ZSWIM6: variants seen among roughly 807,000 people sequenced by gnomAD.
ZSWIM6 encodes the protein zinc finger SWIM domain-containing protein 6.
ZSWIM6 carries 9 observed loss-of-function variants against 113.2 expected under a neutral mutation model. The ratio of observed to expected loss-of-function variants is 0.08; its 90% confidence interval spans 0.05 to 0.14. ZSWIM6 has a LOEUF of 0.14. ZSWIM6 is among the 10% of genes least tolerant of loss of function. ZSWIM6 has a pLI of 1.00. For synonymous variants in ZSWIM6, 611 were observed against 606.5 expected (o/e 1.01, Z -0.11); for missense variants, 1,162 against 1,552.2 (o/e 0.75, Z 4.22).
intron 1 of ZSWIM6, among the ~76,000 whole-genome samples, chr5:61,408,392 T>C (rs916515566): frequency 2.6e-5 from 4 of 152,218 alleles, no homozygotes; most frequent in Non-Finnish European, 4.4e-5. Context: ...AGATAAATTA[T>C]GAAGGAGGGG....
At chr5:61,397,523 T>A (rs1745862038) in intron 1 of ZSWIM6, among the ~76,000 whole-genome samples, 1 of 152,084 alleles carries the variant, frequency 6.6e-6, no homozygotes, top group Admixed American at 6.6e-5. Context: ...GCACAGCCCA[T>A]CAGTGACAGC....
At chr5:61,540,741 G>A (rs1464439234) in intron 12 of ZSWIM6, among the ~76,000 whole-genome samples, 1 of 151,804 alleles carries the variant, frequency 6.6e-6, no homozygotes, top group Non-Finnish European at 1.5e-5. Flanking sequence ...ATTAACATGA[G>A]CTCTCTTGTT....
At chr5:61,379,153 C>T (rs537489522) in intron 1 of ZSWIM6, among the ~76,000 whole-genome samples, 5 of 130,692 alleles carry the variant, frequency 3.8e-5, no homozygotes, top group African/African-American at 1.5e-4. Context: ...CTCTCTACTC[C>T]AGCCTGGGCA....
Position 61,535,488 on chromosome 5 carries a change from A to T in ZSWIM6, c.2250A>T (p.Gly750=). 6.4e-7 allele frequency: 1 copy of T among 1,551,280 alleles called. No homozygotes were observed. Among genetic ancestry groups the T allele is most frequent in the Non-Finnish European group, 8.7e-7 (1 of 1,146,670 alleles). The change falls in exon 10 of 14, where the codon GGA becomes GGT. Residue 750 remains glycine (G), a synonymous_variant. Coordinates refer to ENST00000252744, the MANE Select transcript of ZSWIM6 (RefSeq NM_020928.2). The part of the protein sequence containing the change: ...RKQAVFLLEA[G]PYSGLGEIIH... ...GTGTATGCTCTCTTCCCACAGCCGGACCATATAGTGGTTTAGGTGAAATAA... is the reference window on the plus strand; with the variant it reads ...GTGTATGCTCTCTTCCCACAGCCGGTCCATATAGTGGTTTAGGTGAAATAA...
intron 2 of ZSWIM6, among the ~76,000 whole-genome samples, chr5:61,481,885 A>G (rs1039025235): frequency 2.0e-5 from 3 of 152,212 alleles, no homozygotes; most frequent in Non-Finnish European, 2.9e-5. Flanking sequence ...AACTTCAGTA[A>G]TAAAATGCCC....
chr5:61,531,055 T>C (rs1027570217), intron 8 of ZSWIM6, among the ~76,000 whole-genome samples: 1 of 152,222 alleles, frequency 6.6e-6, no homozygotes, highest in African/African-American at 2.4e-5. Context: ...GTTATATATG[T>C]TATGTTCCCT....
chr5:61,363,858 T>TTCCTTCCTTCCTTCCC (rs552840090), intron 1 of ZSWIM6, among the ~76,000 whole-genome samples: 2 of 146,466 alleles, frequency 1.4e-5, no homozygotes, highest in African/African-American at 5.0e-5. Context: ...TTCCTTTTCC[T>TTCCTTCCTTCCTTCCC]TCCTTCCTTC....
intron 1 of ZSWIM6, among the ~76,000 whole-genome samples, chr5:61,354,039 C>T (rs1292346424): frequency 2.6e-5 from 4 of 152,174 alleles, no homozygotes; most frequent in South Asian, 2.1e-4. Context: ...GTGCTTTCCC[C>T]GCTTTGTTTT....
intron 1 of ZSWIM6, among the ~76,000 whole-genome samples, chr5:61,448,322 C>G (rs1211709556): frequency 6.6e-6 from 1 of 152,074 alleles, no homozygotes; most frequent in Non-Finnish European, 1.5e-5. Context: ...GTACATGACT[C>G]TTGTCACTTT....
chr5:61,496,132 A>G (rs958561582), intron 4 of ZSWIM6, among the ~76,000 whole-genome samples: 2 of 152,146 alleles, frequency 1.3e-5, no homozygotes, highest in African/African-American at 4.8e-5. Context: ...GGAAGTTTCC[A>G]CCAGCTGATT....
intron 1 of ZSWIM6, among the ~76,000 whole-genome samples, chr5:61,360,707 T>C (rs1745016523): frequency 6.6e-6 from 1 of 152,230 alleles, no homozygotes; most frequent in African/African-American, 2.4e-5. Context: ...TACCCTCACC[T>C]TTGGAATATC....
At chr5:61,468,314 T>C (rs1414561291) in intron 1 of ZSWIM6, among the ~76,000 whole-genome samples, 2 of 152,258 alleles carry the variant, frequency 1.3e-5, no homozygotes, top group Non-Finnish European at 2.9e-5. Flanking sequence ...AACATTTTAT[T>C]GGGTTCTGTG....
intron 1 of ZSWIM6, among the ~76,000 whole-genome samples, chr5:61,359,411 C>G (rs941628249): frequency 9.9e-5 from 15 of 152,248 alleles, no homozygotes; most frequent in African/African-American, 3.6e-4. Context: ...CTCTCCTCCC[C>G]TTTAAAAAAA....
rs761606372 is a variant in ZSWIM6, at chr5:61,526,387, C to CA, written c.1836dup (p.Glu613ArgfsTer5). 5.2e-6 allele frequency: 8 copies of CA among 1,542,136 alleles called. No individual in the cohort carries two copies. The highest frequency in any genetic ancestry group is 4.9e-5 in the South Asian group (4 of 82,282). On this transcript the variant is annotated frameshift_variant, in exon 7 of 14. Transcript: ENST00000252744. LOFTEE classifies it high-confidence loss of function. Reference sequence around the variant, plus strand: ...GAAACAGTTGGAAATGTTCCGAACCCAAAAAAAAGGTGAATGTGAAGGAGT... The same window carrying CA: ...GAAACAGTTGGAAATGTTCCGAACCCAAAAAAAAAGGTGAATGTGAAGGAGT...
At chr5:61,483,689 A>G (rs1008660832) in intron 2 of ZSWIM6, among the ~76,000 whole-genome samples, 1 of 150,702 alleles carries the variant, frequency 6.6e-6, no homozygotes, top group African/African-American at 2.4e-5. Flanking sequence ...TAACAGGATG[A>G]AACCCCGTCT....
chr5:61,334,156 T>C (rs1243243209), intron 1 of ZSWIM6, among the ~76,000 whole-genome samples: 1 of 152,260 alleles, frequency 6.6e-6, no homozygotes, highest in African/African-American at 2.4e-5. Flanking sequence ...ACAGCCTTCC[T>C]TTCTCTGACA....
chr5:61,478,699 GTGTGTT>G (rs1747771880), intron 2 of ZSWIM6, among the ~76,000 whole-genome samples: 1 of 141,054 alleles, frequency 7.1e-6, no homozygotes, highest in African/African-American at 2.8e-5. Context: ...GTGTGTGTGT[GTGTGTT>G]TGTGTGTGTG....
chr5:61,543,349 T>G lies in ZSWIM6; in HGVS notation c.2786-106T>G. ...ACAGGATTTTCTAGCCTAGCTCATG[T>G]CCTATGATGGTTAACAATGTAAACA... is the stretch of plus-strand genomic sequence containing the variant. On this transcript the variant is annotated intron_variant, in intron 13 of 13. Transcript: ENST00000252744. The surrounding 1 kb of genome is among the most constrained non-coding windows in gnomAD (Gnocchi z 4.3). 1 of 1,333,852 alleles carries G rather than the reference T, an allele frequency of 7.5e-7. No individual in the cohort carries two copies. The highest frequency in any genetic ancestry group is 1.0e-6 in the Non-Finnish European group (1 of 1,000,958). 82.6% of individuals were successfully genotyped at this position (1,333,852 alleles called of 1,614,324 possible).
chr5:61,352,091 A>G (rs1176732757), intron 1 of ZSWIM6, among the ~76,000 whole-genome samples: 1 of 152,138 alleles, frequency 6.6e-6, no homozygotes, highest in Non-Finnish European at 1.5e-5. Flanking sequence ...CTTCTGCACA[A>G]TGTCCTCTCC....
Sources: gnomAD v4.1 joint callset for allele counts (sites outside exome capture counted in the v4.1 genomes callset) on GRCh38, gnomAD v4.1.1 for gene constraint, Gnocchi (gnomAD v3.1) non-coding constraint, MANE v1.5 for transcripts, NCBI Gene and HGNC (gene_info 2026-07-23, HGNC 2026-07-21) for gene names.